The following SIL1 variants were observed in gnomAD, a reference collection of about 807,000 sequenced individuals.
SIL1 encodes the protein SIL1 nucleotide exchange factor, also known as nucleotide exchange factor SIL1.
A neutral mutation model predicts 49.1 loss-of-function variants in SIL1; 40 were observed. That is an observed-to-expected ratio of 0.81 (90% CI 0.63 to 1.06). The LOEUF is 1.06. Ranked by LOEUF, SIL1 falls within the 50% of genes least tolerant of loss-of-function variation. The pLI is 0.00. For missense variants in SIL1, 500 were observed against 572.6 expected (o/e 0.87, Z 1.29); for synonymous variants, 253 against 250.8 (o/e 1.01, Z -0.08).
intron 3 of SIL1, among the ~76,000 whole-genome samples, chr5:139,109,521 G>A (rs1333415309): frequency 1.3e-5 from 2 of 151,888 alleles, no homozygotes; most frequent in African/African-American, 4.8e-5. Flanking sequence ...TTCAGATCAT[G>A]ACCCCGCAGA....
At chr5:139,082,357 T>C (rs1004564348) in intron 3 of SIL1, among the ~76,000 whole-genome samples, 2 of 152,166 alleles carry the variant, frequency 1.3e-5, no homozygotes. Context: ...TGTGAGGGTA[T>C]GCTGAGTCTG....
intron 1 of SIL1, among the ~76,000 whole-genome samples, chr5:139,138,119 C>A (rs1751011593): frequency 6.8e-6 from 1 of 146,864 alleles, no homozygotes; most frequent in African/African-American, 2.6e-5. Context: ...TTCATGGAGC[C>A]CAGTGCCAGG....
At chr5:139,100,620 A>G (rs769888533) in intron 3 of SIL1, among the ~76,000 whole-genome samples, 6 of 152,232 alleles carry the variant, frequency 3.9e-5, no homozygotes, top group Non-Finnish European at 8.8e-5. Context: ...TCAATAATCC[A>G]GGTGAGAGAT....
intron 7 of SIL1, among the ~76,000 whole-genome samples, chr5:138,990,729 G>A (rs1228712353): frequency 6.6e-6 from 1 of 152,116 alleles, no homozygotes; most frequent in Non-Finnish European, 1.5e-5. Context: ...ACAGGCCCCA[G>A]CTGGCTTTTC....
At chr5:139,059,727 C>T (rs1362991760) in intron 3 of SIL1, among the ~76,000 whole-genome samples, 1 of 152,014 alleles carries the variant, frequency 6.6e-6, no homozygotes, top group African/African-American at 2.4e-5. Flanking sequence ...TGTATATATC[C>T]ACACATCTAT....
intron 7 of SIL1, among the ~76,000 whole-genome samples, chr5:138,962,111 CTTTT>C (rs370814975): frequency 6.7e-6 from 1 of 149,068 alleles, no homozygotes; most frequent in Non-Finnish European, 1.5e-5. Context: ...TTATTGGTTT[CTTTT>C]TTTTTTCTAG....
At chr5:139,192,703 A>G (rs1282398505) in intron 1 of SIL1, among the ~76,000 whole-genome samples, 2 of 152,118 alleles carry the variant, frequency 1.3e-5, no homozygotes, top group Non-Finnish European at 2.9e-5. Context: ...TAAAACAATA[A>G]AGAATAAACT....
intron 3 of SIL1, among the ~76,000 whole-genome samples, chr5:139,089,442 T>G (rs1770293957): frequency 6.6e-6 from 1 of 152,136 alleles, no homozygotes. Context: ...TTGAAGAACT[T>G]TACTTCTTAC....
intron 1 of SIL1, among the ~76,000 whole-genome samples, chr5:139,172,036 T>C (rs541619891): frequency 6.6e-6 from 1 of 152,240 alleles, no homozygotes; most frequent in Admixed American, 6.5e-5. Flanking sequence ...ACTTGGAGAC[T>C]GGACAATGGA....
chr5:138,960,413 C>CTTTTTTT (rs150578906), intron 7 of SIL1, among the ~76,000 whole-genome samples: 23 of 124,268 alleles, frequency 1.9e-4, no homozygotes, highest in African/African-American at 4.2e-4. Context: ...AAATCTACGT[C>CTTTTTTT]TTTTTTTTTT....
At chr5:139,139,005 C>G (rs890492590) in intron 1 of SIL1, among the ~76,000 whole-genome samples, 6 of 152,222 alleles carry the variant, frequency 3.9e-5, no homozygotes, top group African/African-American at 1.4e-4. Flanking sequence ...TCAAACACTT[C>G]AGAGTCCCGC....
intron 3 of SIL1, among the ~76,000 whole-genome samples, chr5:139,089,001 C>T (rs971539896): frequency 6.6e-6 from 1 of 152,154 alleles, no homozygotes; most frequent in Non-Finnish European, 1.5e-5. Context: ...TTCAGGAGAA[C>T]CCAACCCACA....
intron 1 of SIL1, among the ~76,000 whole-genome samples, chr5:139,130,143 G>A (rs72790928): frequency 6.6e-6 from 1 of 152,110 alleles, no homozygotes; most frequent in Non-Finnish European, 1.5e-5. Flanking sequence ...AATTAGCCAG[G>A]TGTGGTGGTG....
intron 3 of SIL1, among the ~76,000 whole-genome samples, chr5:139,087,867 A>G (rs2151774529): frequency 6.6e-6 from 1 of 152,270 alleles, no homozygotes; most frequent in African/African-American, 2.4e-5. Flanking sequence ...CTCCTCAGGG[A>G]GAGGTTACCA....
At chr5:139,094,303 T>A (rs1770407439) in intron 3 of SIL1, among the ~76,000 whole-genome samples, 1 of 152,244 alleles carries the variant, frequency 6.6e-6, no homozygotes, top group South Asian at 2.1e-4. Flanking sequence ...CTATCATTCA[T>A]TAGCCAATCT....
chr5:139,076,217 CAG>C (rs1199358866), intron 3 of SIL1, among the ~76,000 whole-genome samples: 1 of 152,168 alleles, frequency 6.6e-6, no homozygotes, highest in East Asian at 1.9e-4. Flanking sequence ...AACTCACTCT[CAG>C]GGGTTCTGCT....
At chr5:139,195,092 C>A (rs2151825155) in intron 1 of SIL1, among the ~76,000 whole-genome samples, 1 of 152,066 alleles carries the variant, frequency 6.6e-6, no homozygotes, top group African/African-American at 2.4e-5. Flanking sequence ...GCCACCACGC[C>A]CGGCTAATTT....
At chr5:138,979,326 G>T (rs1767464633) in intron 7 of SIL1, among the ~76,000 whole-genome samples, 2 of 152,180 alleles carry the variant, frequency 1.3e-5, no homozygotes, top group Admixed American at 1.3e-4. Flanking sequence ...GCCTCCCAAA[G>T]TGCTGGGATT....
At chr5:139,032,313 G>A (rs1403278536) in intron 5 of SIL1, among the ~76,000 whole-genome samples, 1 of 152,204 alleles carries the variant, frequency 6.6e-6, no homozygotes, top group African/African-American at 2.4e-5. Flanking sequence ...TGTATTAACT[G>A]ACATAAGATG....
Sources: allele counts gnomAD v4.1 joint callset (sites outside exome capture counted in the v4.1 genomes callset), GRCh38; gene constraint gnomAD v4.1.1; transcripts MANE v1.5; gene names NCBI Gene and HGNC (gene_info 2026-07-23, HGNC 2026-07-21).